The following TRIP4 variants were observed in gnomAD, a reference collection of about 807,000 sequenced individuals.
TRIP4 encodes the protein thyroid hormone receptor interactor 4, also known as activating signal cointegrator 1.
Under a neutral mutation model 81.8 loss-of-function variants are expected in TRIP4, and 54 were observed. That is an observed-to-expected ratio of 0.66 (90% CI 0.53 to 0.83). TRIP4 has a LOEUF of 0.83. Ranked by LOEUF, TRIP4 falls within the 40% of genes least tolerant of loss-of-function variation. The pLI, the probability that TRIP4 is intolerant of heterozygous loss-of-function variation, is 0.00. For missense variants in TRIP4, 662 were observed against 683.6 expected (o/e 0.97, Z 0.35); for synonymous variants, 270 against 242.8 (o/e 1.11, Z -1.04).
chr15:64,403,564 C>T (rs1190028930), intron 5 of TRIP4, among the ~76,000 whole-genome samples: 1 of 152,218 alleles, frequency 6.6e-6, no homozygotes. Flanking sequence ...TGTTTTATAT[C>T]GACAGATTTG....
rs746509858 is a variant in TRIP4, at chr15:64,424,075, G to A, written c.1403G>A (p.Trp468Ter). ...SWYTPHRGRL[W>*]IAATAKKPSP... ...TACACCCCCCACAGAGGACGACTTTGGATAGCAGCCACAGCTAAAAAACCC... is the reference window on the plus strand; with the variant it reads ...TACACCCCCCACAGAGGACGACTTTAGATAGCAGCCACAGCTAAAAAACCC... The change falls in exon 10 of 13, where the codon TGG becomes TAG. Residue 468 changes from tryptophan (W) to a stop codon, truncating the protein, a stop_gained. Coordinates refer to ENST00000261884, the MANE Select transcript of TRIP4 (RefSeq NM_016213.5). LOFTEE classifies it high-confidence loss of function. 2 of 1,614,100 alleles carry A rather than the reference G, an allele frequency of 1.2e-6. No individual in the cohort carries two copies. The highest frequency in any genetic ancestry group is 3.3e-5 in the Admixed American group (2 of 60,008).
rs75644573 is a variant in TRIP4 at position 64,455,254 on chromosome 15, G to C, written c.*190G>C. The C allele has an allele frequency of 5.4e-3, 2,471 of 455,640 alleles. 38 individuals carry two copies. Among genetic ancestry groups the C allele is most frequent in the African/African-American group, 0.045 (2,257 of 49,866 alleles). 28.2% of individuals were successfully genotyped at this position (455,640 alleles called of 1,614,324 possible). ...TGGGATTCCTACTTTATGTAATGGG[G>C]TCGAAATCTTTGAACACATTATTTA... On this transcript the variant is annotated 3_prime_UTR_variant, in exon 13 of 13. Coordinates refer to ENST00000261884, the MANE Select transcript of TRIP4 (RefSeq NM_016213.5).
chr15:64,398,193 G>C (rs1156237359), intron 4 of TRIP4, among the ~76,000 whole-genome samples: 1 of 152,046 alleles, frequency 6.6e-6, no homozygotes, highest in South Asian at 2.1e-4. Flanking sequence ...CAGCCACCGT[G>C]CCTGGCTTTC....
Position 64,454,864 on chromosome 15 carries a change from G to C in TRIP4, c.1679-133G>C, listed in dbSNP as rs551425598. 74 of 728,374 alleles carry C rather than the reference G, an allele frequency of 1.0e-4. No individual in the cohort carries two copies. In the African/African-American group the frequency reaches 1.2e-3, roughly 12 times the overall value. The allele number at this position is 728,374 out of a possible 1,614,324, so 45.1% of individuals were successfully genotyped here. On this transcript the variant is annotated intron_variant, in intron 12 of 12. Coordinates refer to ENST00000261884, the MANE Select transcript of TRIP4 (RefSeq NM_016213.5). Reference sequence around the variant, plus strand: ...CTTACAGAATGAAACTCTGAAGTTTGGAAGTGTCTGAGTCCTGAAGTAAGA... The same window carrying C: ...CTTACAGAATGAAACTCTGAAGTTTCGAAGTGTCTGAGTCCTGAAGTAAGA...
At chr15:64,449,827 C>T (rs1892714190) in intron 12 of TRIP4, among the ~76,000 whole-genome samples, 1 of 152,152 alleles carries the variant, frequency 6.6e-6, no homozygotes, top group African/African-American at 2.4e-5. Flanking sequence ...TAAACTCATG[C>T]ACCTTATATC....
chr15:64,424,166 C>T lies in TRIP4; in HGVS notation c.1483+11C>T. 3.7e-6 allele frequency: 6 copies of T among 1,613,924 alleles called. No individual in the cohort carries two copies. Among genetic ancestry groups the T allele is most frequent in the Non-Finnish European group, 4.2e-6 (5 of 1,179,910 alleles). ...TTCTTCGTGGGAAAGGTAACAGCCGCATATTCTCCTTTCAATTTTACTTTA... is the reference window on the plus strand; with the variant it reads ...TTCTTCGTGGGAAAGGTAACAGCCGTATATTCTCCTTTCAATTTTACTTTA... On this transcript the variant is annotated intron_variant, in intron 10 of 12. Transcript: ENST00000261884.
At chr15:64,390,100 T>A (rs1432579295) in intron 1 of TRIP4, among the ~76,000 whole-genome samples, 2 of 146,486 alleles carry the variant, frequency 1.4e-5, no homozygotes, top group East Asian at 3.9e-4. Context: ...TATTAAATAT[T>A]AAATATATCA....
chr15:64,431,473 G>A (rs1892270291), intron 11 of TRIP4, among the ~76,000 whole-genome samples: 1 of 152,044 alleles, frequency 6.6e-6, no homozygotes, highest in South Asian at 2.1e-4. Context: ...GGAGGCGGAG[G>A]CTGGTGGATC....
rs1021335839 is a variant in TRIP4 at position 64,428,508 on chromosome 15, A to G, written c.1575+2877A>G. On this transcript the variant is annotated intron_variant, in intron 11 of 12. Coordinates refer to ENST00000261884, the MANE Select transcript of TRIP4 (RefSeq NM_016213.5). ...CTCTCTTTATGAATGTCTCTGATAT[A>G]TAACATTAAAATATAACAGAAGCCA... 7.9e-5 allele frequency among the ~76,000 whole-genome samples: 12 copies of G among 152,356 alleles called. No homozygotes were observed. In the South Asian group the frequency reaches 2.5e-3, roughly 32 times the overall value.
At chr15:64,430,986 T>A (rs756627823) in intron 11 of TRIP4, among the ~76,000 whole-genome samples, 51 of 148,498 alleles carry the variant, frequency 3.4e-4, no homozygotes, top group African/African-American at 7.9e-4. Context: ...TTTAAAACTT[T>A]AAAAAAAAAA....
At chr15:64,426,788 C>T (rs1478024035) in intron 11 of TRIP4, among the ~76,000 whole-genome samples, 6 of 150,738 alleles carry the variant, frequency 4.0e-5, no homozygotes, top group Non-Finnish European at 8.8e-5. Flanking sequence ...ATCATGAGGT[C>T]AGGAGATCAA....
intron 8 of TRIP4, among the ~76,000 whole-genome samples, chr15:64,414,895 A>T (rs1243395081): frequency 6.6e-6 from 1 of 151,890 alleles, no homozygotes; most frequent in Non-Finnish European, 1.5e-5. Flanking sequence ...GGAGTTCTAG[A>T]CCAGCCTGAG....
intron 7 of TRIP4, among the ~76,000 whole-genome samples, chr15:64,411,110 T>A (rs115336819): frequency 0.026 from 3,934 of 152,306 alleles, 153 homozygotes; most frequent in African/African-American, 0.091. Flanking sequence ...GCAGCCTACA[T>A]ACTGTATGAT....
At chr15:64,395,282 A>T (rs964465769) in intron 2 of TRIP4, 116 bp from the exon 3 acceptor site, 4 of 811,964 alleles carry the variant, frequency 4.9e-6, no homozygotes, top group South Asian at 7.1e-5. Context: ...AATCTTCCTG[A>T]TGATATCTTG....
Position 64,424,059 on chromosome 15 carries a change from C to CA in TRIP4, c.1388dup (p.His463GlnfsTer12), listed in dbSNP as rs1566979521. The CA allele has an allele frequency of 1.9e-6, 3 of 1,614,080 alleles. No homozygotes were observed. The highest frequency in any genetic ancestry group is 2.5e-6 in the Non-Finnish European group (3 of 1,180,020). On this transcript the variant is annotated frameshift_variant, in exon 10 of 13. Transcript: ENST00000261884. LOFTEE classifies it high-confidence loss of function. ...GGAGGGCAGATCCTGGTACACCCCC[C>CA]ACAGAGGACGACTTTGGATAGCAGC...
intron 11 of TRIP4, among the ~76,000 whole-genome samples, chr15:64,427,066 C>T (rs187682430): frequency 6.6e-6 from 1 of 152,060 alleles, no homozygotes; most frequent in Non-Finnish European, 1.5e-5. Flanking sequence ...CAGAGGGAGC[C>T]GAAATACTTT....
chr15:64,402,265 C>T (rs866793496), intron 5 of TRIP4, among the ~76,000 whole-genome samples: 6 of 151,692 alleles, frequency 4.0e-5, no homozygotes, highest in Admixed American at 6.6e-5. Flanking sequence ...TCTTTTTGCC[C>T]AGGCTGGAGT....
intron 11 of TRIP4, among the ~76,000 whole-genome samples, chr15:64,433,902 G>A (rs1892332549): frequency 9.9e-6 from 1 of 101,294 alleles, no homozygotes; most frequent in Non-Finnish European, 2.1e-5. Flanking sequence ...TAAAACATGA[G>A]ATTTTTTGTG....
intron 11 of TRIP4, among the ~76,000 whole-genome samples, chr15:64,432,120 C>T (rs1364605358): frequency 1.3e-5 from 2 of 150,944 alleles, no homozygotes; most frequent in East Asian, 4.0e-4. Flanking sequence ...CTCTTGACCT[C>T]GTGATCCGCC....
Sources: allele counts gnomAD v4.1 joint callset (sites outside exome capture counted in the v4.1 genomes callset), GRCh38; gene constraint gnomAD v4.1.1; transcripts MANE v1.5; gene names NCBI Gene and HGNC (gene_info 2026-07-23, HGNC 2026-07-21).